HACD4: variants seen among roughly 807,000 people sequenced by gnomAD.
The protein encoded by HACD4 is very-long-chain (3R)-3-hydroxyacyl-CoA dehydratase 4.
In HACD4, 35 loss-of-function variants were observed where a neutral mutation model predicts 33.3. The ratio of observed to expected loss-of-function variants is 1.05; its 90% confidence interval spans 0.80 to 1.39. The LOEUF (loss-of-function observed/expected upper bound fraction) is 1.39, where lower values mean the gene tolerates loss of function less well. Among genes scored for constraint, HACD4 ranks in the 40% most tolerant of loss-of-function variants. The probability of loss-of-function intolerance (pLI) is 0.00; values close to 1 mark genes in which losing one functional copy is unlikely to be tolerated. For synonymous variants in HACD4, 118 were observed against 98.0 expected (o/e 1.20, Z -1.21); for missense variants, 323 against 276.5 (o/e 1.17, Z -1.19).
At chr9:21,019,424 G>T (rs768289248) in intron 3 of HACD4, among the ~76,000 whole-genome samples, 3 of 152,100 alleles carry the variant, frequency 2.0e-5, no homozygotes, top group African/African-American at 7.2e-5. Context: ...GGAAAAGGTT[G>T]TTGTAAAGAT....
Position 21,004,112 on chromosome 9 carries a change from T to C in HACD4, c.*2925A>G, listed in dbSNP as rs1424932222. On this transcript the variant is annotated 3_prime_UTR_variant, in exon 7 of 7. Coordinates refer to ENST00000495827, the MANE Select transcript of HACD4 (RefSeq NM_001010915.5). The surrounding 1 kb of genome is among the most constrained non-coding windows in gnomAD (Gnocchi z 4.6). ...CCTCCATCTCCTGGGCTCAAGCGAT[T>C]CTCATGCCCCCAGCCTCCCGTGTAG... 1 of 152,226 alleles carries C rather than the reference T, an allele frequency of 6.6e-6. No homozygotes were observed. The highest frequency in any genetic ancestry group is 2.4e-5 in the African/African-American group (1 of 41,448). The allele number at this position is 152,226 out of a possible 1,614,324, so 9.4% of individuals were successfully genotyped here.
chr9:21,023,924 T>G (rs1367815152), intron 3 of HACD4, among the ~76,000 whole-genome samples: 1 of 152,210 alleles, frequency 6.6e-6, no homozygotes, highest in African/African-American at 2.4e-5. Context: ...CACAACTGTA[T>G]CGACATGGTT....
At chr9:21,019,251 A>G (rs1817839237) in intron 3 of HACD4, among the ~76,000 whole-genome samples, 1 of 152,096 alleles carries the variant, frequency 6.6e-6, no homozygotes, top group Non-Finnish European at 1.5e-5. Context: ...GTGAAACACT[A>G]AACAAATGTA....
In HACD4 at chr9:21,006,540, G is replaced by C. The variant is rs1016296047; in HGVS notation, c.*497C>G. 4 of 179,292 alleles carry C rather than the reference G, an allele frequency of 2.2e-5. No homozygotes were observed. The highest frequency in any genetic ancestry group is 6.2e-5 in the Admixed American group (1 of 16,090). The allele number at this position is 179,292 out of a possible 1,614,324, so 11.1% of individuals were successfully genotyped here. The stretch of plus-strand genomic sequence containing the variant: ...ATTTTCTAAACATATCTAATGTTTA[G>C]GGTGAGTATTATTAGATCTGAAGAC... On this transcript the variant is annotated 3_prime_UTR_variant, in exon 7 of 7. Coordinates refer to ENST00000495827, the MANE Select transcript of HACD4 (RefSeq NM_001010915.5). The surrounding 1 kb of genome is among the most constrained non-coding windows in gnomAD (Gnocchi z 4.6).
chr9:21,023,098 C>G (rs1035906505), intron 3 of HACD4, among the ~76,000 whole-genome samples: 1 of 151,844 alleles, frequency 6.6e-6, no homozygotes, highest in African/African-American at 2.4e-5. Context: ...AACCATCATT[C>G]TGAGCAAACT....
intron 3 of HACD4, among the ~76,000 whole-genome samples, chr9:21,025,519 G>T (rs1042246420): frequency 5.3e-5 from 8 of 152,074 alleles, no homozygotes; most frequent in African/African-American, 1.4e-4. Context: ...TTATTTTGAG[G>T]ATACCTAAAA....
intron 1 of HACD4, 95 bp downstream of exon 1, chr9:21,031,458 G>T: frequency 1.5e-6 from 2 of 1,353,778 alleles, no homozygotes; most frequent in Non-Finnish European, 9.4e-7. Flanking sequence ...TGGCGGGCGG[G>T]GGGTGCCGCC....
rs1254913844 is a variant in HACD4 at position 21,006,530 on chromosome 9, C to G, written c.*507G>C. The G allele has an allele frequency of 6.0e-6, 1 of 167,704 alleles. No homozygotes were observed. The highest frequency in any genetic ancestry group is 1.3e-5 in the Non-Finnish European group (1 of 79,490). The allele number at this position is 167,704 out of a possible 1,614,324, so 10.4% of individuals were successfully genotyped here. ...AAGATATTTAATTTTCTAAACATAT[C>G]TAATGTTTAGGGTGAGTATTATTAG... On this transcript the variant is annotated 3_prime_UTR_variant, in exon 7 of 7. Coordinates refer to ENST00000495827, the MANE Select transcript of HACD4 (RefSeq NM_001010915.5). This position sits in a 1 kb window ranked among gnomAD's most constrained non-coding sequence, Gnocchi z 4.6.
intron 3 of HACD4, among the ~76,000 whole-genome samples, chr9:21,020,521 C>T (rs1817881191): frequency 2.0e-5 from 3 of 152,162 alleles, no homozygotes; most frequent in Admixed American, 6.5e-5. Context: ...TGTTTCTGTA[C>T]TATAAAAGTC....
intron 4 of HACD4, among the ~76,000 whole-genome samples, chr9:21,014,943 T>C (rs1356664218): frequency 1.3e-5 from 2 of 152,158 alleles, no homozygotes; most frequent in Non-Finnish European, 2.9e-5. Flanking sequence ...AAGAGTAACA[T>C]ACTAGAAAGC....
At chr9:21,027,586 A>G (rs1818094736) in intron 2 of HACD4, among the ~76,000 whole-genome samples, 1 of 152,344 alleles carries the variant, frequency 6.6e-6, no homozygotes, top group East Asian at 1.9e-4. Context: ...TACACAGTCC[A>G]TGCTCTTATC....
chr9:21,026,736 G>T lies in HACD4; in HGVS notation c.143-13C>A, dbSNP rs747079609. 2 of 1,607,060 alleles carry T rather than the reference G, an allele frequency of 1.2e-6. No individual in the cohort carries two copies. The highest frequency in any genetic ancestry group is 1.3e-5 in the African/African-American group (1 of 74,642). ...TCAACCATTGAATCTGTATCCCGTG[G>T]GTTAAAAATGCAGATATAGGAAGAA... On this transcript the variant is annotated splice_polypyrimidine_tract_variant and intron_variant, in intron 2 of 6. Transcript: ENST00000495827.
intron 1 of HACD4, among the ~76,000 whole-genome samples, chr9:21,031,165 G>A (rs986718675): frequency 1.3e-5 from 2 of 152,074 alleles, no homozygotes; most frequent in African/African-American, 2.4e-5. Flanking sequence ...CCGGAACTAG[G>A]CCCTGAAATC....
At position 21,002,963 on chromosome 9, in the gene HACD4, C is replaced by T. The variant is rs1296308966; in HGVS notation, c.*4074G>A. The T allele has an allele frequency of 6.6e-6, 1 of 152,114 alleles. No individual in the cohort carries two copies. Among genetic ancestry groups the T allele is most frequent in the Admixed American group, 6.5e-5 (1 of 15,268 alleles). The allele number at this position is 152,114 out of a possible 1,614,324, so 9.4% of individuals were successfully genotyped here. A position where few individuals can be genotyped will look rare whatever the true frequency, so the allele number is the denominator to read the frequency against. On this transcript the variant is annotated 3_prime_UTR_variant, in exon 7 of 7. Coordinates refer to ENST00000495827, the MANE Select transcript of HACD4 (RefSeq NM_001010915.5). The stretch of plus-strand genomic sequence containing the variant: ...TCTTGACTTCACTATGTCTGGGTTT[C>T]TTAACCTGGGGAACATGTACTTAAG...
chr9:21,018,894 A>G (rs1281030751), intron 3 of HACD4, among the ~76,000 whole-genome samples: 1 of 152,136 alleles, frequency 6.6e-6, no homozygotes, highest in African/African-American at 2.4e-5. Flanking sequence ...AATGGCAGGT[A>G]GCACTTGATT....
rs1198450969 is a variant in HACD4 at position 21,015,993 on chromosome 9, G to C, written c.288C>G (p.Ile96Met). ...PRFLQLTERI[I>M]ILFVVITSQE... ...GACTGGTGATCACCACAAAAAGGAT[G>C]ATTATTCTTTCTGTGAGCTAACAAA... The change falls in exon 4 of 7, where the codon ATC becomes ATG. Residue 96 changes from isoleucine to methionine, a missense_variant. Coordinates refer to ENST00000495827, the MANE Select transcript of HACD4 (RefSeq NM_001010915.5). 1 of 1,609,978 alleles carries C rather than the reference G, an allele frequency of 6.2e-7. No individual in the cohort carries two copies.
rs142419542 is a variant in HACD4 at position 21,011,270 on chromosome 9, G to A, written c.490+319C>T. ...TGTGCATTAAAAGTTAAAAATCATA[G>A]AATCTCTAAATGTTAACTTCTTTTT... On this transcript the variant is annotated intron_variant, in intron 5 of 6. Coordinates refer to ENST00000495827, the MANE Select transcript of HACD4 (RefSeq NM_001010915.5). 5.1e-4 allele frequency among the ~76,000 whole-genome samples: 77 copies of A among 152,288 alleles called. 2 individuals carry two copies. The highest frequency in any genetic ancestry group is 1.7e-3 in the African/African-American group (72 of 41,562).
In HACD4 at chr9:21,002,756, G is replaced by A. The variant is rs1418004208; in HGVS notation, c.*4281C>T. 2 of 152,082 alleles carry A rather than the reference G, an allele frequency of 1.3e-5. No homozygotes were observed. Among genetic ancestry groups the A allele is most frequent in the Non-Finnish European group, 2.9e-5 (2 of 67,980 alleles). The allele number at this position is 152,082 out of a possible 1,614,324, so 9.4% of individuals were successfully genotyped here. On this transcript the variant is annotated 3_prime_UTR_variant, in exon 7 of 7. Coordinates refer to ENST00000495827, the MANE Select transcript of HACD4 (RefSeq NM_001010915.5). The stretch of plus-strand genomic sequence containing the variant: ...AAAATTACTGAAAAAAGTTGTCTTA[G>A]ATATGTTTTCAAAATATCTAATGGT...
At position 21,004,381 on chromosome 9, in the gene HACD4, C is replaced by CT. The variant is rs1182151065; in HGVS notation, c.*2655dup. ...CAAATACATGACATTAATGAATACT[C>CT]TATCAGAGCACTAGGGACTGAATGC... On this transcript the variant is annotated 3_prime_UTR_variant, in exon 7 of 7. Coordinates refer to ENST00000495827, the MANE Select transcript of HACD4 (RefSeq NM_001010915.5). The surrounding 1 kb of genome is among the most constrained non-coding windows in gnomAD (Gnocchi z 4.6). 2 of 152,154 alleles carry CT rather than the reference C, an allele frequency of 1.3e-5. No homozygotes were observed. Among genetic ancestry groups the CT allele is most frequent in the African/African-American group, 2.4e-5 (1 of 41,432 alleles). The allele number at this position is 152,154 out of a possible 1,614,324, so 9.4% of individuals were successfully genotyped here.
Sources: gnomAD v4.1 joint callset for allele counts (sites outside exome capture counted in the v4.1 genomes callset) on GRCh38, gnomAD v4.1.1 for gene constraint, Gnocchi (gnomAD v3.1) non-coding constraint, MANE v1.5 for transcripts, NCBI Gene and HGNC (gene_info 2026-07-23, HGNC 2026-07-21) for gene names.